FREM2: variants seen among roughly 807,000 people sequenced by gnomAD.
FREM2 encodes the protein FRAS1 related extracellular matrix 2, also known as FRAS1-related extracellular matrix protein 2.
In FREM2, 119 loss-of-function variants were observed where a neutral mutation model predicts 219.9. The observed-to-expected ratio is 0.54, with a 90% CI of 0.47 to 0.63. The LOEUF is 0.63. FREM2 is among the 30% of genes least tolerant of loss of function. The pLI is 0.00. For missense variants in FREM2, 4,030 were observed against 3,993.6 expected (o/e 1.01, Z -0.25); for synonymous variants, 1,562 against 1,522.8 (o/e 1.03, Z -0.60).
rs769076084 is a variant in FREM2 at position 38,859,377 on chromosome 13, C to T, written c.7306C>T (p.Leu2436=). The change falls in exon 14 of 24, where the codon CTG becomes TTG. Residue 2436 remains leucine, a synonymous_variant. Coordinates refer to ENST00000280481, the MANE Select transcript of FREM2 (RefSeq NM_207361.6). ...TGACACTTTGACGCGGTACCGGTGG[C>T]TGATTAGTGCACCTGCGGGCCCTGA... ...INDTLTRYRW[L]ISAPAGPDGV... 8 of 1,614,180 alleles carry T rather than the reference C, an allele frequency of 5.0e-6. No individual in the cohort carries two copies. The South Asian group carries it at 7.7e-5, about 16-fold the overall frequency.
chr13:38,708,772 G>A (rs1460210537), intron 2 of FREM2, among the ~76,000 whole-genome samples: 1 of 151,968 alleles, frequency 6.6e-6, no homozygotes, highest in Non-Finnish European at 1.5e-5. Context: ...GTTTTGTTTT[G>A]TTTTGAGACA....
intron 2 of FREM2, among the ~76,000 whole-genome samples, chr13:38,742,360 A>G (rs142479588): frequency 3.9e-5 from 6 of 152,240 alleles, no homozygotes; most frequent in Non-Finnish European, 5.9e-5. Context: ...CAGATTCCTC[A>G]TATAGAGAAA....
In FREM2 at chr13:38,854,229, C is replaced by T. The variant is rs970048185; in HGVS notation, c.6926-1897C>T. Among the ~76,000 whole-genome samples the T allele has an allele frequency of 4.0e-5, 6 of 151,492 alleles. No homozygotes were observed. The East Asian group carries it at 5.8e-4, about 15-fold the overall frequency. ...AATGTGAATGAGAAAACTTGACCAC[C>T]GTCCAGCAAGTATACTATCAGAAAA... On this transcript the variant is annotated intron_variant, in intron 11 of 23. Coordinates refer to ENST00000280481, the MANE Select transcript of FREM2 (RefSeq NM_207361.6).
intron 6 of FREM2, among the ~76,000 whole-genome samples, chr13:38,822,347 C>CTTT (rs951562767): frequency 1.5e-4 from 15 of 100,020 alleles, no homozygotes; most frequent in South Asian, 7.5e-4. Context: ...TTCTTTCTTT[C>CTTT]TTTTTTTTTT....
chr13:38,724,427 T>C (rs569975352), intron 2 of FREM2, among the ~76,000 whole-genome samples: 2 of 152,280 alleles, frequency 1.3e-5, no homozygotes, highest in South Asian at 4.1e-4. Flanking sequence ...ACCAGGGATG[T>C]GGTATTAGAT....
In FREM2 at chr13:38,784,698, T is replaced by C; in HGVS notation, c.5909T>C (p.Leu1970Ser). 1.2e-6 allele frequency: 2 copies of C among 1,614,176 alleles called. No individual in the cohort carries two copies. Among genetic ancestry groups the C allele is most frequent in the Non-Finnish European group, 1.7e-6 (2 of 1,179,996 alleles). ...LCRIVIIDDS[L>S]YEEEETFHVL... ...CGGATAGTCATAATTGATGACTCTT[T>C]GTACGAGGAGGAGGAAACCTTCCAT... Residue 1970 changes from leucine to serine, a missense_variant, in exon 6 of 24, where the codon TTG (leucine) becomes TCG (serine). Around this residue, in one of 2 missense-constraint regions of FREM2, gnomAD observed 3,102 missense variants for 2,950.7 expected, o/e 1.05. Coordinates refer to ENST00000280481, the MANE Select transcript of FREM2 (RefSeq NM_207361.6).
At chr13:38,826,567 G>A (rs539835831) in intron 6 of FREM2, among the ~76,000 whole-genome samples, 104 of 152,146 alleles carry the variant, frequency 6.8e-4, no homozygotes, top group Admixed American at 1.6e-3. Context: ...GCCTGCAGGC[G>A]TGTTCAGGTG....
At chr13:38,780,815 A>G (rs942474562) in intron 4 of FREM2, among the ~76,000 whole-genome samples, 1 of 152,120 alleles carries the variant, frequency 6.6e-6, no homozygotes, top group African/African-American at 2.4e-5. Context: ...ACCATAGGAT[A>G]CCCCACTTCT....
chr13:38,743,704 C>A (rs747840506), intron 2 of FREM2, among the ~76,000 whole-genome samples: 47 of 152,074 alleles, frequency 3.1e-4, no homozygotes, highest in Non-Finnish European at 6.5e-4. Flanking sequence ...TGTGCCCCAC[C>A]CCTAAACCAC....
At chr13:38,693,087 TA>T (rs1301975703) in intron 1 of FREM2, among the ~76,000 whole-genome samples, 1 of 152,190 alleles carries the variant, frequency 6.6e-6, no homozygotes, top group Admixed American at 6.5e-5. Context: ...AAATTGTTAA[TA>T]ATATTTCATG....
chr13:38,802,612 GTCTCTGCCCC>G (rs1875060093), intron 6 of FREM2, among the ~76,000 whole-genome samples: 1 of 152,138 alleles, frequency 6.6e-6, no homozygotes, highest in Non-Finnish European at 1.5e-5. Flanking sequence ...TGCTCAGCCT[GTCTCTGCCCC>G]TCCTTGGCAT....
intron 2 of FREM2, among the ~76,000 whole-genome samples, chr13:38,727,980 G>A (rs1871599282): frequency 6.6e-6 from 1 of 152,108 alleles, no homozygotes; most frequent in South Asian, 2.1e-4. Context: ...GAATTTTCAG[G>A]TAAGCTATAT....
chr13:38,702,120 A>T (rs1007000532), intron 2 of FREM2, among the ~76,000 whole-genome samples: 1 of 152,112 alleles, frequency 6.6e-6, no homozygotes, highest in Non-Finnish European at 1.5e-5. Flanking sequence ...TCCTAGCATT[A>T]ATTTAAATCC....
chr13:38,752,301 A>G (rs776324922), intron 2 of FREM2, among the ~76,000 whole-genome samples: 2 of 152,184 alleles, frequency 1.3e-5, no homozygotes, highest in African/African-American at 2.4e-5. Context: ...ACCAGGTATA[A>G]TGCTATATAT....
intron 16 of FREM2, among the ~76,000 whole-genome samples, chr13:38,868,059 T>A (rs978238339): frequency 1.3e-5 from 2 of 152,244 alleles, no homozygotes; most frequent in South Asian, 4.1e-4. Flanking sequence ...TTCTTCTACC[T>A]TCTTCACTGA....
chr13:38,704,398 C>T (rs1296186629), intron 2 of FREM2, among the ~76,000 whole-genome samples: 1 of 152,136 alleles, frequency 6.6e-6, no homozygotes, highest in Non-Finnish European at 1.5e-5. Context: ...ACACAGCTGT[C>T]AGGAAAGGCA....
chr13:38,725,403 T>A (rs1871476099), intron 2 of FREM2, among the ~76,000 whole-genome samples: 1 of 152,070 alleles, frequency 6.6e-6, no homozygotes, highest in South Asian at 2.1e-4. Context: ...TAGCTAATAA[T>A]GAAAAAATGA....
chr13:38,864,619 A>G lies in FREM2; in HGVS notation c.7983+13A>G. 1 of 1,610,302 alleles carries G rather than the reference A, an allele frequency of 6.2e-7. No individual in the cohort carries two copies. The highest frequency in any genetic ancestry group is 8.5e-7 in the Non-Finnish European group (1 of 1,176,498). On this transcript the variant is annotated intron_variant, in intron 16 of 23. Coordinates refer to ENST00000280481, the MANE Select transcript of FREM2 (RefSeq NM_207361.6). ...AACAGATGGACAGGTACAGATTTAT[A>G]ACATCTGAGTTTGGTCACTGGATAA...
chr13:38,748,372 G>C (rs1021844897), intron 2 of FREM2, among the ~76,000 whole-genome samples: 1 of 152,198 alleles, frequency 6.6e-6, no homozygotes, highest in South Asian at 2.1e-4. Context: ...ATTTGGATTT[G>C]TTCCTCAAGA....
Sources: allele counts gnomAD v4.1 joint callset (sites outside exome capture counted in the v4.1 genomes callset), GRCh38; gene constraint gnomAD v4.1.1; regional missense constraint gnomAD v4.1.1; transcripts MANE v1.5; gene names NCBI Gene and HGNC (gene_info 2026-07-23, HGNC 2026-07-21).